The following NSD2 variants were observed in gnomAD, a reference collection of about 807,000 sequenced individuals.
NSD2 encodes the protein nuclear receptor binding SET domain protein 2.
In NSD2, 12 loss-of-function variants were observed where a neutral mutation model predicts 139.0. That is an observed-to-expected ratio of 0.09 (90% confidence interval 0.06 to 0.14). The LOEUF is 0.14. NSD2 is among the 10% of genes least tolerant of loss of function. The probability of loss-of-function intolerance (pLI) is 1.00; values close to 1 mark genes in which losing one functional copy is unlikely to be tolerated. For missense variants in NSD2, 1,155 were observed against 1,745.0 expected, an observed-to-expected ratio of 0.66 and a Z score of 6.02; for synonymous variants, 669 against 648.7, an observed-to-expected ratio of 1.03 and a Z score of -0.48.
At chr4:1,954,326 G>T (rs1434766226) in intron 12 of NSD2, among the ~76,000 whole-genome samples, 3 of 151,600 alleles carry the variant, frequency 2.0e-5, no homozygotes, top group Admixed American at 6.6e-5. Context: ...TCACCATGTT[G>T]CCCAGGCTGG....
At chr4:1,934,178 T>C (rs1050709056) in intron 6 of NSD2, among the ~76,000 whole-genome samples, 4 of 150,504 alleles carry the variant, frequency 2.7e-5, no homozygotes, top group Non-Finnish European at 3.0e-5. Flanking sequence ...CTCCACCTCC[T>C]GGGTTCAAGC....
At chr4:1,916,826 C>T (rs766375297) in intron 3 of NSD2, 45 bp from the exon 4 acceptor site, 274 of 1,570,164 alleles carry the variant, frequency 1.7e-4, no homozygotes, top group Non-Finnish European at 2.3e-4. Context: ...TAGTTTCATC[C>T]CAGATTCTAA....
intron 1 of NSD2, among the ~76,000 whole-genome samples, chr4:1,873,931 A>G (rs1306650048): frequency 6.6e-6 from 1 of 152,166 alleles, no homozygotes. Flanking sequence ...GAGAGCAATC[A>G]TGGTGCACTT....
At chr4:1,970,397 T>C (rs1726334170) in intron 18 of NSD2, among the ~76,000 whole-genome samples, 1 of 151,968 alleles carries the variant, frequency 6.6e-6, no homozygotes, top group Non-Finnish European at 1.5e-5. Context: ...GGTTGGAGCA[T>C]AGAGAATTAA....
At chr4:1,924,321 T>A (rs1348568516) in intron 5 of NSD2, among the ~76,000 whole-genome samples, 11 of 152,126 alleles carry the variant, frequency 7.2e-5, no homozygotes, top group African/African-American at 2.4e-4. Flanking sequence ...GGTGAGGTGC[T>A]GTATGCTCTT....
chr4:1,872,236 G>C (rs1296512100), intron 1 of NSD2, among the ~76,000 whole-genome samples: 1 of 152,148 alleles, frequency 6.6e-6, no homozygotes, highest in Non-Finnish European at 1.5e-5. Context: ...GGGGGGCTGC[G>C]CGCCCTCGGC....
At chr4:1,947,345 G>A in intron 9 of NSD2, 1 of 1,061,974 alleles carries the variant, frequency 9.4e-7, no homozygotes, top group Non-Finnish European at 1.1e-6. Flanking sequence ...CACCTGCTTG[G>A]GGCTATGTGG....
rs866609396 is a variant in NSD2, at chr4:1,976,811, C to T, written c.3826+132C>T. The T allele has an allele frequency of 5.1e-5, 48 of 935,410 alleles. No individual in the cohort carries two copies. The highest frequency in any genetic ancestry group is 3.4e-4 in the Middle Eastern group (1 of 2,968). 57.9% of individuals were successfully genotyped at this position (935,410 alleles called of 1,614,324 possible). ...ACATCAGGCGCTCATGCAGCGAAGG[C>T]CCTGATCCAGGGTGGCAGAGCCTTT... On this transcript the variant is annotated intron_variant, in intron 21 of 21. Transcript: ENST00000508803. The surrounding 1 kb of genome is among the most constrained non-coding windows in gnomAD (Gnocchi z 5.3).
chr4:1,956,058 A>G lies in NSD2; in HGVS notation c.2751A>G (p.Glu917=). 1 of 1,614,022 alleles carries G rather than the reference A, an allele frequency of 6.2e-7. No individual in the cohort carries two copies. Among genetic ancestry groups the G allele is most frequent in the East Asian group, 2.2e-5 (1 of 44,890 alleles). Residue 917 remains glutamate (E), a synonymous_variant, in exon 15 of 22, where the codon GAA becomes GAG. Transcript: ENST00000508803. The surrounding 1 kb of genome is among the most constrained non-coding windows in gnomAD (Gnocchi z 5.3). ...AGAAAATGAAGCACGAGATTGGAGA[A>G]TTCCCTGTGTTTTTCTTTGGGTCTA... ...NIQKMKHEIG[E]FPVFFFGSKD... is the part of the protein sequence containing the mutation.
intron 1 of NSD2, among the ~76,000 whole-genome samples, chr4:1,879,206 ATTATTTTATT>A (rs577920073): frequency 2.0e-5 from 3 of 152,006 alleles, no homozygotes; most frequent in East Asian, 3.9e-4. Context: ...ACTTTTTAAA[ATTATTTTATT>A]TTATTTTATT....
intron 18 of NSD2, among the ~76,000 whole-genome samples, chr4:1,966,288 C>T (rs1725874419): frequency 6.6e-6 from 1 of 152,208 alleles, no homozygotes; most frequent in Admixed American, 6.5e-5. Context: ...AAAGTAAATA[C>T]ATGGTCAGCT....
At chr4:1,912,884 G>T (rs1718860583) in intron 3 of NSD2, among the ~76,000 whole-genome samples, 1 of 151,988 alleles carries the variant, frequency 6.6e-6, no homozygotes, top group Non-Finnish European at 1.5e-5. Flanking sequence ...TATTTACATT[G>T]TTTTCTGTAG....
chr4:1,924,755 A>C (rs113264347), intron 5 of NSD2, among the ~76,000 whole-genome samples: 29 of 151,974 alleles, frequency 1.9e-4, no homozygotes, highest in East Asian at 9.7e-4. Context: ...CTACAAAAAA[A>C]AAAACAAAAC....
chr4:1,969,072 G>A (rs1317524709), intron 18 of NSD2, among the ~76,000 whole-genome samples: 3 of 152,254 alleles, frequency 2.0e-5, no homozygotes, highest in Admixed American at 1.3e-4. Context: ...CACAGGGGGT[G>A]CAGAGACACG....
chr4:1,961,345 C>T lies in NSD2; in HGVS notation c.3372+194C>T, dbSNP rs915757956. Among the ~76,000 whole-genome samples the T allele has an allele frequency of 5.3e-5, 8 of 152,196 alleles. No homozygotes were observed. In the South Asian group the frequency reaches 1.7e-3, roughly 32 times the overall value. ...GCGCCGGAGGGCTAGAGCTAACCACCTCTCAGCACCCAGGCACCCTGAGGC... is the reference window on the plus strand; with the variant it reads ...GCGCCGGAGGGCTAGAGCTAACCACTTCTCAGCACCCAGGCACCCTGAGGC... On this transcript the variant is annotated intron_variant, in intron 18 of 21. Transcript: ENST00000508803.
intron 1 of NSD2, among the ~76,000 whole-genome samples, chr4:1,873,001 A>G (rs576135481): frequency 6.6e-6 from 1 of 152,346 alleles, no homozygotes; most frequent in South Asian, 2.1e-4. Flanking sequence ...TGTGTACTTG[A>G]TGTGTGCTCT....
intron 5 of NSD2, among the ~76,000 whole-genome samples, chr4:1,926,246 C>T (rs1213429710): frequency 6.6e-6 from 1 of 151,430 alleles, no homozygotes; most frequent in Admixed American, 6.6e-5. Context: ...CCTCCGTCTC[C>T]CAGGTTCAAA....
intron 1 of NSD2, among the ~76,000 whole-genome samples, chr4:1,874,061 A>C (rs1714071309): frequency 6.6e-6 from 1 of 152,232 alleles, no homozygotes; most frequent in Non-Finnish European, 1.5e-5. Flanking sequence ...CAAGTGGGCA[A>C]ATAACCTTTC....
At chr4:1,912,746 C>T (rs1056088203) in intron 3 of NSD2, among the ~76,000 whole-genome samples, 2 of 152,040 alleles carry the variant, frequency 1.3e-5, no homozygotes, top group African/African-American at 2.4e-5. Context: ...GTTGTTTTCT[C>T]TCATCTTTTC....
Sources: gnomAD v4.1 joint callset for allele counts (sites outside exome capture counted in the v4.1 genomes callset) on GRCh38, gnomAD v4.1.1 for gene constraint, Gnocchi (gnomAD v3.1) non-coding constraint, MANE v1.5 for transcripts, NCBI Gene and HGNC (gene_info 2026-07-23, HGNC 2026-07-21) for gene names.